NXPE3: variants seen among roughly 807,000 people sequenced by gnomAD.
NXPE3 encodes NXPE family member 3.
A neutral mutation model predicts 46.1 loss-of-function variants in NXPE3; 26 were observed. That is an observed-to-expected ratio of 0.56 (90% CI 0.41 to 0.78). The LOEUF is 0.78. NXPE3 is among the 30% of genes least tolerant of loss of function. NXPE3 has a pLI of 0.00. For missense variants in NXPE3, 620 were observed against 686.0 expected, an observed-to-expected ratio of 0.90 and a Z score of 1.07; for synonymous variants, 272 against 257.9, an observed-to-expected ratio of 1.05 and a Z score of -0.52.
At chr3:101,807,275 A>C in intron 6 of NXPE3, 149 bp downstream of exon 6, 1 of 621,982 alleles carries the variant, frequency 1.6e-6, no homozygotes. Flanking sequence ...GATTAAAAAA[A>C]TCAGATCTTA....
intron 4 of NXPE3, among the ~76,000 whole-genome samples, chr3:101,798,602 ATTT>A (rs1185080144): frequency 1.4e-5 from 2 of 141,718 alleles, no homozygotes; most frequent in South Asian, 2.2e-4. Flanking sequence ...ATATATATAT[ATTT>A]TTTTTTTTTT....
At position 101,802,066 on chromosome 3, in the gene NXPE3, G is replaced by A. The variant is rs1941191291; in HGVS notation, c.848+77G>A. On this transcript the variant is annotated intron_variant, in intron 5 of 7. Transcript: ENST00000273347. The stretch of plus-strand genomic sequence containing the variant: ...CTTGTCCCATTTAGGAGACTTTCTG[G>A]TATTCGGTATGTGTTTCTTACCTCT... 5.0e-6 allele frequency: 7 copies of A among 1,387,772 alleles called. No individual in the cohort carries two copies. In the South Asian group the frequency reaches 1.0e-4, roughly 20 times the overall value. The allele number at this position is 1,387,772 out of a possible 1,614,324, so 86.0% of individuals were successfully genotyped here.
At chr3:101,788,914 C>T (rs1024792084) in intron 4 of NXPE3, among the ~76,000 whole-genome samples, 4 of 151,980 alleles carry the variant, frequency 2.6e-5, no homozygotes, top group Non-Finnish European at 5.9e-5. Flanking sequence ...CCATGCCTGG[C>T]CTCAGTAGCA....
At chr3:101,793,522 G>A (rs544321284) in intron 4 of NXPE3, among the ~76,000 whole-genome samples, 4 of 148,858 alleles carry the variant, frequency 2.7e-5, no homozygotes, top group South Asian at 2.1e-4. Flanking sequence ...AAAGCATTAT[G>A]GTTACATCTA....
rs775687342 is a variant in NXPE3 at position 101,807,132 on chromosome 3, A to G, written c.922+6A>G. 1.4e-5 allele frequency: 23 copies of G among 1,605,160 alleles called. No individual in the cohort carries two copies. The highest frequency in any genetic ancestry group is 1.9e-5 in the Non-Finnish European group (22 of 1,172,306). On this transcript the variant is annotated splice_donor_region_variant and intron_variant, in intron 6 of 7. Transcript: ENST00000273347. ...GATTCCCAGGAGAATAAAAGGTAAA[A>G]AAAAGAATAAGCTTGATGATTTGTT...
At chr3:101,784,329 A>G (rs1223376771) in intron 3 of NXPE3, among the ~76,000 whole-genome samples, 1 of 152,172 alleles carries the variant, frequency 6.6e-6, no homozygotes, top group Non-Finnish European at 1.5e-5. Context: ...CAGAGAAGTG[A>G]AAATAATAAG....
At chr3:101,803,337 G>C (rs560377685) in intron 5 of NXPE3, among the ~76,000 whole-genome samples, 3 of 152,142 alleles carry the variant, frequency 2.0e-5, no homozygotes, top group Non-Finnish European at 2.9e-5. Context: ...ATATGTAGTG[G>C]GTTCATGCCA....
intron 4 of NXPE3, 97 bp downstream of exon 4, chr3:101,785,786 G>A (rs112635570): frequency 5.5e-5 from 48 of 873,304 alleles, no homozygotes; most frequent in Admixed American, 1.2e-4. Flanking sequence ...GAAGATTATC[G>A]TAGTCACAGT....
chr3:101,816,426 C>T (rs534619890), intron 6 of NXPE3, among the ~76,000 whole-genome samples: 7 of 152,100 alleles, frequency 4.6e-5, no homozygotes, highest in Non-Finnish European at 1.0e-4. Context: ...CCCCTTCCCC[C>T]CAACCCCCCG....
At chr3:101,808,346 T>C (rs1941523653) in intron 6 of NXPE3, among the ~76,000 whole-genome samples, 1 of 152,120 alleles carries the variant, frequency 6.6e-6, no homozygotes, top group Non-Finnish European at 1.5e-5. Context: ...TATTAACTAA[T>C]AGTACTGCAC....
At chr3:101,809,739 C>T (rs1941626254) in intron 6 of NXPE3, among the ~76,000 whole-genome samples, 1 of 152,078 alleles carries the variant, frequency 6.6e-6, no homozygotes. Flanking sequence ...TTTATTTTTG[C>T]TCAAATTGTT....
chr3:101,794,669 A>T (rs926952342), intron 4 of NXPE3, among the ~76,000 whole-genome samples: 2 of 152,190 alleles, frequency 1.3e-5, no homozygotes, highest in African/African-American at 4.8e-5. Flanking sequence ...ATTATAATAG[A>T]CAAAAAAAGA....
chr3:101,781,038 C>T (rs1939792518), intron 1 of NXPE3, among the ~76,000 whole-genome samples: 1 of 152,218 alleles, frequency 6.6e-6, no homozygotes, highest in Non-Finnish European at 1.5e-5. Flanking sequence ...CAAGGTCTTA[C>T]TCAGCATCCT....
rs1350682544 is a variant in NXPE3 at position 101,821,619 on chromosome 3, A to G, written c.1345A>G (p.Ser449Gly). ...TGCCATAGCTGTATGGTCTCACTTCAGCACCTTCCCTTTGGAAGTGTACAT... is the reference window on the plus strand; with the variant it reads ...TGCCATAGCTGTATGGTCTCACTTCGGCACCTTCCCTTTGGAAGTGTACAT... ...VVAIAVWSHF[S>G]TFPLEVYIRR... Residue 449 changes from serine to glycine, a missense_variant, in exon 8 of 8, where the codon AGC (serine) becomes GGC (glycine). Physicochemically the swap from Ser to Gly is moderately conservative, Grantham distance 56 (BLOSUM62 0). Transcript: ENST00000273347. The G allele has an allele frequency of 6.2e-7, 1 of 1,614,234 alleles. No individual in the cohort carries two copies. Among genetic ancestry groups the G allele is most frequent in the Non-Finnish European group, 8.5e-7 (1 of 1,180,032 alleles).
chr3:101,796,616 A>G (rs953970271), intron 4 of NXPE3, among the ~76,000 whole-genome samples: 1 of 152,166 alleles, frequency 6.6e-6, no homozygotes, highest in African/African-American at 2.4e-5. Context: ...CATTTCCTGA[A>G]AGGTAATCAG....
rs2305990 is a variant in NXPE3 at position 101,801,693 on chromosome 3, C to T, written c.552C>T (p.Ser184=). Residue 184 remains serine, a synonymous_variant, in exon 5 of 8, where the codon TCC becomes TCT. Coordinates refer to ENST00000273347, the MANE Select transcript of NXPE3 (RefSeq NM_145037.4). Reference sequence around the variant, plus strand: ...TATGGCCAGGCAAAGTTAAAGTATCCGTATCTCTGGTCCACCCCAGTGAAG... The same window carrying T: ...TATGGCCAGGCAAAGTTAAAGTATCTGTATCTCTGGTCCACCCCAGTGAAG... The part of the protein sequence containing the change: ...TLLWPGKVKV[S]VSLVHPSEGI... 13,785 of 1,614,132 alleles carry T rather than the reference C, an allele frequency of 8.5e-3. 143 individuals are homozygous for T. Among genetic ancestry groups the T allele is most frequent in the East Asian group, 0.048 (2,146 of 44,882 alleles).
At chr3:101,810,724 A>G (rs938678566) in intron 6 of NXPE3, among the ~76,000 whole-genome samples, 4 of 152,202 alleles carry the variant, frequency 2.6e-5, no homozygotes, top group Admixed American at 2.6e-4. Flanking sequence ...GTAGCTGGAG[A>G]GCATCTCCTG....
At chr3:101,787,494 A>G (rs912399375) in intron 4 of NXPE3, among the ~76,000 whole-genome samples, 3 of 152,074 alleles carry the variant, frequency 2.0e-5, no homozygotes, top group Non-Finnish European at 4.4e-5. Context: ...TTTAGTAGAG[A>G]TGGCGTTATG....
chr3:101,812,116 G>A (rs1941739715), intron 6 of NXPE3, among the ~76,000 whole-genome samples: 1 of 152,090 alleles, frequency 6.6e-6, no homozygotes, highest in Non-Finnish European at 1.5e-5. Flanking sequence ...CAGTAAAAAC[G>A]AAACTAGTCA....
Sources: gnomAD v4.1 joint callset for allele counts (sites outside exome capture counted in the v4.1 genomes callset) on GRCh38, gnomAD v4.1.1 for gene constraint, MANE v1.5 for transcripts, NCBI Gene and HGNC (gene_info 2026-07-23, HGNC 2026-07-21) for gene names.